Variants in MPDZ observed in about 807,000 individuals in gnomAD.
The protein encoded by MPDZ is multiple PDZ domain crumbs cell polarity complex component.
In MPDZ, 234 loss-of-function variants were observed where a neutral mutation model predicts 239.1. The observed-to-expected ratio is 0.98, with a 90% CI of 0.88 to 1.09. The LOEUF (loss-of-function observed/expected upper bound fraction) is 1.09, where lower values mean the gene tolerates loss of function less well. MPDZ is among the 50% of genes least tolerant of loss of function. The pLI is 0.00. For synonymous variants in MPDZ, 1,048 were observed against 881.3 expected (o/e 1.19, Z -3.35); for missense variants, 3,175 against 2,510.0 (o/e 1.26, Z -5.66).
At position 13,222,253 on chromosome 9, in the gene MPDZ, T is replaced by G. The variant is rs1267345008; in HGVS notation, c.727A>C (p.Ile243Leu). ...CTCACCGGATTAGAGTGAGCTGAAA[T>G]TGTGCTGGCTGCAGATGGAGAACGG... The part of the protein sequence containing the change: ...VSRSPSAAST[I>L]SAHSNPVHWQ... The change falls in exon 6 of 47, where the codon ATT becomes CTT. Residue 243 changes from isoleucine (I) to leucine (L), a missense_variant. Transcript: ENST00000319217. 2.5e-6 allele frequency: 4 copies of G among 1,612,510 alleles called. No homozygotes were observed. Among genetic ancestry groups the G allele is most frequent in the Admixed American group, 1.7e-5 (1 of 59,838 alleles).
Position 13,143,578 on chromosome 9 carries a change from TAAGA to T in MPDZ, c.3742-18_3742-15del, listed in dbSNP as rs779910125. 1.0e-5 allele frequency: 16 copies of T among 1,597,494 alleles called. No individual in the cohort carries two copies. The highest frequency in any genetic ancestry group is 1.3e-5 in the Non-Finnish European group (15 of 1,165,316). Reference sequence around the variant, plus strand: ...CAAAGGGGATTTCTAAAAGGAAACATAAGAGGCGCTGAACGCAAAGGAAATGTAT... The same window carrying T: ...CAAAGGGGATTTCTAAAAGGAAACATGGCGCTGAACGCAAAGGAAATGTAT... On this transcript the variant is annotated splice_polypyrimidine_tract_variant and intron_variant, in intron 26 of 46. Coordinates refer to ENST00000319217, the MANE Select transcript of MPDZ (RefSeq NM_001378778.1).
chr9:13,245,424 A>C (rs564875984), intron 3 of MPDZ, among the ~76,000 whole-genome samples: 1 of 151,430 alleles, frequency 6.6e-6, no homozygotes, highest in South Asian at 2.1e-4. Flanking sequence ...AAAAAAAAAA[A>C]AAGAAGAAGA....
At chr9:13,154,836 G>A (rs1949628729) in intron 24 of MPDZ, among the ~76,000 whole-genome samples, 1 of 152,022 alleles carries the variant, frequency 6.6e-6, no homozygotes, top group African/African-American at 2.4e-5. Flanking sequence ...CCATTAGATT[G>A]ACAAAAAACT....
intron 11 of MPDZ, among the ~76,000 whole-genome samples, chr9:13,205,533 T>G (rs972156364): frequency 6.6e-6 from 1 of 152,300 alleles, no homozygotes; most frequent in Non-Finnish European, 1.5e-5. Flanking sequence ...GCATTTAGAA[T>G]TTTTATGAAG....
At chr9:13,257,863 AT>A (rs1472630658) in intron 1 of MPDZ, among the ~76,000 whole-genome samples, 1 of 152,208 alleles carries the variant, frequency 6.6e-6, no homozygotes, top group Non-Finnish European at 1.5e-5. Flanking sequence ...CTAAAATCCA[AT>A]TTTATCTGAA....
rs1011920471 is a variant in MPDZ at position 13,186,283 on chromosome 9, G to A, written c.2468C>T (p.Ala823Val). 4 of 1,586,282 alleles carry A rather than the reference G, an allele frequency of 2.5e-6. No homozygotes were observed. The highest frequency in any genetic ancestry group is 1.3e-5 in the African/African-American group (1 of 74,276). Residue 823 changes from alanine (A) to valine (V), a missense_variant, in exon 18 of 47, where the codon GCT becomes GTT. Physicochemically the swap from Ala to Val is moderately conservative, Grantham distance 64 (BLOSUM62 0). Transcript: ENST00000319217. ...ATAGCCACTAACCAGAGCCAAGTCAGCCCTGAAGAGGGGTTTGTCAGCCAG... is the reference window on the plus strand; with the variant it reads ...ATAGCCACTAACCAGAGCCAAGTCAACCCTGAAGAGGGGTTTGTCAGCCAG... Reference protein sequence around the residue: ...AGLADKPLFRADLALVGTNDA... With the variant: ...AGLADKPLFRVDLALVGTNDA...
At chr9:13,183,729 A>G in intron 18 of MPDZ, 144 bp from the exon 19 acceptor site, 1 of 755,716 alleles carries the variant, frequency 1.3e-6, no homozygotes, top group Non-Finnish European at 2.1e-6. Flanking sequence ...CTCATCAGAC[A>G]CTGCTAATGC....
rs76845864 is a variant in MPDZ, at chr9:13,200,415, T to C, written c.1547-4185A>G. On this transcript the variant is annotated intron_variant, in intron 12 of 46. Transcript: ENST00000319217. The stretch of plus-strand genomic sequence containing the variant: ...TCTGTTTTCTTACTCTTTTGTATTT[T>C]CGTCTCAATTTCATTTATTTCTGCT... Among the ~76,000 whole-genome samples, 86 of 152,142 alleles carry C rather than the reference T, an allele frequency of 5.7e-4. No individual in the cohort carries two copies. In the East Asian group the frequency reaches 0.01, roughly 18 times the overall value.
At chr9:13,174,139 C>T (rs575010083) in intron 21 of MPDZ, among the ~76,000 whole-genome samples, 26 of 152,162 alleles carry the variant, frequency 1.7e-4, no homozygotes, top group Non-Finnish European at 1.2e-4. Flanking sequence ...TCATACATCT[C>T]CTCTTTTCTG....
intron 1 of MPDZ, among the ~76,000 whole-genome samples, chr9:13,253,402 T>A (rs1968623504): frequency 6.6e-6 from 1 of 152,178 alleles, no homozygotes; most frequent in Non-Finnish European, 1.5e-5. Flanking sequence ...AAAATAAGAA[T>A]TTTTAAAAAT....
At chr9:13,108,612 T>C (rs1361238464) in intron 46 of MPDZ, among the ~76,000 whole-genome samples, 1 of 152,104 alleles carries the variant, frequency 6.6e-6, no homozygotes, top group East Asian at 1.9e-4. Flanking sequence ...TTATTTAAAA[T>C]GTCCCATTTT....
chr9:13,173,468 G>A (rs769474928), intron 21 of MPDZ, among the ~76,000 whole-genome samples: 37 of 151,856 alleles, frequency 2.4e-4, no homozygotes, highest in Non-Finnish European at 4.1e-4. Context: ...TTTGGGAGGC[G>A]GAGATGGGTG....
At chr9:13,143,361 T>A (rs1339135678) in intron 27 of MPDZ, 105 bp downstream of exon 27, 1 of 858,718 alleles carries the variant, frequency 1.2e-6, no homozygotes, top group East Asian at 2.5e-5. Flanking sequence ...TTTTTTTCCC[T>A]GCCCAAATGT....
intron 21 of MPDZ, among the ~76,000 whole-genome samples, chr9:13,175,358 A>T (rs1191368843): frequency 6.6e-6 from 1 of 152,210 alleles, no homozygotes; most frequent in African/African-American, 2.4e-5. Flanking sequence ...AATTAAATAT[A>T]AACTGACTTA....
chr9:13,156,258 A>G (rs1437280036), intron 24 of MPDZ, among the ~76,000 whole-genome samples: 3 of 152,202 alleles, frequency 2.0e-5, no homozygotes, highest in Non-Finnish European at 4.4e-5. Flanking sequence ...CTTAGAAAGT[A>G]TCAGAGCCAA....
intron 1 of MPDZ, among the ~76,000 whole-genome samples, chr9:13,272,234 G>A (rs1342180761): frequency 6.6e-6 from 1 of 152,050 alleles, no homozygotes; most frequent in East Asian, 1.9e-4. Flanking sequence ...AAAGGATAGG[G>A]GCTGAATAGG....
rs1956086275 is a variant in MPDZ at position 13,199,195 on chromosome 9, T to G, written c.1547-2965A>C. 2.0e-5 allele frequency among the ~76,000 whole-genome samples: 3 copies of G among 152,176 alleles called. No individual in the cohort carries two copies. The South Asian group carries it at 6.2e-4, about 32-fold the overall frequency. On this transcript the variant is annotated intron_variant, in intron 12 of 46. Coordinates refer to ENST00000319217, the MANE Select transcript of MPDZ (RefSeq NM_001378778.1). ...TCCTTTTCAATTTCTCTCATCAGTGTTCTGTAGGTTTCACTGCAGAAATCT... is the reference window on the plus strand; with the variant it reads ...TCCTTTTCAATTTCTCTCATCAGTGGTCTGTAGGTTTCACTGCAGAAATCT...
Position 13,250,250 on chromosome 9 carries a change from G to A in MPDZ, c.16+50C>T, listed in dbSNP as rs577090005. On this transcript the variant is annotated intron_variant, in intron 2 of 46. Coordinates refer to ENST00000319217, the MANE Select transcript of MPDZ (RefSeq NM_001378778.1). Reference sequence around the variant, plus strand: ...CACAACATATGTCAAAAATCCCAATGGGAGGAGTTACAATTCTTATAAAAG... The same window carrying A: ...CACAACATATGTCAAAAATCCCAATAGGAGGAGTTACAATTCTTATAAAAG... 5.2e-6 allele frequency: 8 copies of A among 1,544,666 alleles called. No individual in the cohort carries two copies. The East Asian group carries it at 1.4e-4, about 27-fold the overall frequency.
rs546961898 is a variant in MPDZ at position 13,109,036 on chromosome 9, G to C, written c.5966C>G (p.Thr1989Arg). 19 of 1,552,310 alleles carry C rather than the reference G, an allele frequency of 1.2e-5. No individual in the cohort carries two copies. Among genetic ancestry groups the C allele is most frequent in the Non-Finnish European group, 1.6e-5 (18 of 1,146,174 alleles). ...TAAGCCATCTGGTCCTCGCTCTAGT[G>C]TAATAGACTTACATTGAGGAGGTCT... ...DLGPPQCKSITLERGPDGLGF... is the reference protein window; with the variant it reads ...DLGPPQCKSIRLERGPDGLGF... The change falls in exon 46 of 47, where the codon ACA becomes AGA. Residue 1989 changes from threonine to arginine, a missense_variant. By Grantham distance (71) the Thr-to-Arg change is moderately conservative. Coordinates refer to ENST00000319217, the MANE Select transcript of MPDZ (RefSeq NM_001378778.1).
Sources: gnomAD v4.1 joint callset for allele counts (sites outside exome capture counted in the v4.1 genomes callset) on GRCh38, gnomAD v4.1.1 for gene constraint, MANE v1.5 for transcripts, NCBI Gene and HGNC (gene_info 2026-07-23, HGNC 2026-07-21) for gene names.